The following BTRC variants were observed in gnomAD, a reference collection of about 807,000 sequenced individuals.
BTRC encodes beta-transducin repeat containing E3 ubiquitin protein ligase, also known as F-box/WD repeat-containing protein 1A.
A neutral mutation model predicts 85.5 loss-of-function variants in BTRC; 42 were observed. The ratio of observed to expected loss-of-function variants is 0.49; its 90% CI spans 0.38 to 0.64. The LOEUF is 0.64. BTRC is among the 30% of genes least tolerant of loss of function. BTRC has a pLI of 0.00. For synonymous variants in BTRC, 255 were observed against 263.3 expected (o/e 0.97, Z 0.30); for missense variants, 594 against 743.5 (o/e 0.80, Z 2.34).
intron 2 of BTRC, among the ~76,000 whole-genome samples, chr10:101,460,465 C>T (rs2134166365): frequency 6.6e-6 from 1 of 152,168 alleles, no homozygotes; most frequent in African/African-American, 2.4e-5. Context: ...AGTCTCTGTC[C>T]CTTTCTTTGT....
chr10:101,392,362 C>T (rs996832412), intron 1 of BTRC, among the ~76,000 whole-genome samples: 8 of 152,078 alleles, frequency 5.3e-5, no homozygotes, highest in Non-Finnish European at 1.0e-4. Flanking sequence ...ATTGGCAACC[C>T]CTTTGTGTTG....
chr10:101,396,383 G>A (rs1315833446), intron 1 of BTRC, among the ~76,000 whole-genome samples: 2 of 149,820 alleles, frequency 1.3e-5, no homozygotes, highest in South Asian at 4.2e-4. Context: ...GCCACTATGC[G>A]AAAACTTGAA....
At chr10:101,401,420 T>G (rs1943488981) in intron 1 of BTRC, among the ~76,000 whole-genome samples, 1 of 152,212 alleles carries the variant, frequency 6.6e-6, no homozygotes, top group Non-Finnish European at 1.5e-5. Context: ...TAAATTTGCT[T>G]ACTAAGATGG....
chr10:101,491,972 T>G (rs1254606585), intron 4 of BTRC, among the ~76,000 whole-genome samples: 4 of 152,220 alleles, frequency 2.6e-5, no homozygotes, highest in East Asian at 1.9e-4. Context: ...TGTTGTTGTT[T>G]TTTTTTTAAC....
At chr10:101,435,517 C>T (rs1040472379) in intron 2 of BTRC, among the ~76,000 whole-genome samples, 3 of 152,084 alleles carry the variant, frequency 2.0e-5, no homozygotes, top group Non-Finnish European at 4.4e-5. Context: ...ATCCATGTTA[C>T]GTATATCAGT....
chr10:101,531,039 C>A (rs1440110353), intron 6 of BTRC, among the ~76,000 whole-genome samples, 198 bp from the exon 7 acceptor site: 1 of 152,056 alleles, frequency 6.6e-6, no homozygotes, highest in Non-Finnish European at 1.5e-5. Flanking sequence ...AGCATGGTGG[C>A]AGATGACTGT....
At chr10:101,513,321 CAATAA>C (rs2061980251) in intron 4 of BTRC, among the ~76,000 whole-genome samples, 1 of 152,010 alleles carries the variant, frequency 6.6e-6, no homozygotes, top group Non-Finnish European at 1.5e-5. Context: ...AATTTACATA[CAATAA>C]AATACACCCA....
At chr10:101,404,252 A>C (rs1327739398) in intron 1 of BTRC, among the ~76,000 whole-genome samples, 1 of 150,766 alleles carries the variant, frequency 6.6e-6, no homozygotes, top group African/African-American at 2.4e-5. Context: ...GGAGGGTCTC[A>C]ATCTCCTGAC....
At chr10:101,483,868 TAAAGA>T (rs1945912613) in intron 4 of BTRC, among the ~76,000 whole-genome samples, 1 of 152,196 alleles carries the variant, frequency 6.6e-6, no homozygotes, top group Non-Finnish European at 1.5e-5. Flanking sequence ...TTTTAATTGG[TAAAGA>T]AAACTCACTG....
chr10:101,499,280 G>A (rs114320522), intron 4 of BTRC, among the ~76,000 whole-genome samples: 15,559 of 151,592 alleles, frequency 0.1, 2,687 homozygotes, highest in African/African-American at 0.36. Context: ...TCGTTCTGTC[G>A]GGCTGGAGTG....
At chr10:101,528,712 T>C (rs548116017) in intron 6 of BTRC, among the ~76,000 whole-genome samples, 1 of 152,280 alleles carries the variant, frequency 6.6e-6, no homozygotes, top group South Asian at 2.1e-4. Flanking sequence ...TAAAAAAAAA[T>C]TTACTCCATC....
intron 4 of BTRC, among the ~76,000 whole-genome samples, chr10:101,481,565 T>G (rs935455599): frequency 6.6e-6 from 1 of 152,064 alleles, no homozygotes; most frequent in African/African-American, 2.4e-5. Flanking sequence ...GTGGAGTTTT[T>G]TTTTTTTAAT....
chr10:101,377,952 A>T (rs1017711320), intron 1 of BTRC, among the ~76,000 whole-genome samples: 4 of 151,854 alleles, frequency 2.6e-5, no homozygotes, highest in African/African-American at 4.8e-5. Flanking sequence ...GATGACCAAA[A>T]TTTTTTTTAT....
chr10:101,363,335 A>C (rs1465222117), intron 1 of BTRC, among the ~76,000 whole-genome samples: 3 of 152,194 alleles, frequency 2.0e-5, no homozygotes, highest in African/African-American at 7.2e-5. Context: ...AAGAGCAGGA[A>C]AACTGTGGGA....
In BTRC at chr10:101,534,885, C is replaced by T; in HGVS notation, c.1322C>T (p.Ser441Phe). ...VVDFDDKYIV[S>F]ASGDRTIKVW... ...GACTTTGATGACAAGTACATTGTTT[C>T]TGCATCTGGGGATAGAACTATAAAG... The change falls in exon 10 of 15, where the codon TCT (serine) becomes TTT (phenylalanine). Residue 441 changes from serine to phenylalanine, a missense_variant. Physicochemically the swap from Ser to Phe is radical, Grantham distance 155. Around this residue, in one of 4 missense-constraint regions of BTRC, gnomAD observed 373 missense variants for 503.6 expected, o/e 0.74. Coordinates refer to ENST00000370187, the MANE Select transcript of BTRC (RefSeq NM_033637.4). The T allele has an allele frequency of 6.2e-7, 1 of 1,614,092 alleles. No individual in the cohort carries two copies. Among genetic ancestry groups the T allele is most frequent in the Non-Finnish European group, 8.5e-7 (1 of 1,179,976 alleles).
intron 11 of BTRC, among the ~76,000 whole-genome samples, chr10:101,535,856 C>T (rs796789782): frequency 1.2e-4 from 18 of 152,072 alleles, no homozygotes; most frequent in South Asian, 6.2e-4. Flanking sequence ...AGTTGGAAGT[C>T]CTTTTTGGGG....
At chr10:101,485,716 A>G (rs1423660916) in intron 4 of BTRC, among the ~76,000 whole-genome samples, 3 of 152,194 alleles carry the variant, frequency 2.0e-5, no homozygotes, top group African/African-American at 7.2e-5. Context: ...AGGCACTTCA[A>G]GATGCTAGAA....
intron 2 of BTRC, among the ~76,000 whole-genome samples, chr10:101,449,441 G>A (rs1944905723): frequency 6.6e-6 from 1 of 151,980 alleles, no homozygotes; most frequent in Non-Finnish European, 1.5e-5. Context: ...ATAACCAGAT[G>A]TCCTTATTAG....
intron 4 of BTRC, among the ~76,000 whole-genome samples, chr10:101,505,413 A>C (rs1043006585): frequency 1.1e-4 from 16 of 150,686 alleles, no homozygotes; most frequent in Admixed American, 1.1e-3. Flanking sequence ...AGGTCAGGAG[A>C]TCAAGACCAT....
Sources: allele counts gnomAD v4.1 joint callset (sites outside exome capture counted in the v4.1 genomes callset), GRCh38; gene constraint gnomAD v4.1.1; regional missense constraint gnomAD v4.1.1; transcripts MANE v1.5; gene names NCBI Gene and HGNC (gene_info 2026-07-23, HGNC 2026-07-21).